Variants in TP63 observed in about 807,000 individuals in gnomAD.
TP63 encodes tumor protein 63.
TP63 carries 17 observed loss-of-function variants against 82.8 expected under a neutral mutation model. That is an observed-to-expected ratio of 0.21 (90% CI 0.14 to 0.31). TP63 has a LOEUF of 0.31. Ranked by LOEUF, TP63 falls within the 10% of genes least tolerant of loss-of-function variation. The pLI is 1.00. For synonymous variants in TP63, 330 were observed against 321.7 expected (o/e 1.03, Z -0.28); for missense variants, 648 against 895.3 (o/e 0.72, Z 3.52).
At position 189,864,270 on chromosome 3, in the gene TP63, A is replaced by G. The variant is rs1308445098; in HGVS notation, c.618A>G (p.Ala206=). Residue 206 remains alanine (A), a synonymous_variant, in exon 5 of 14, where the codon GCA becomes GCG. Coordinates refer to ENST00000264731, the MANE Select transcript of TP63 (RefSeq NM_003722.5). Reference sequence around the variant, plus strand: ...TGAAGAAACTCTACTGCCAAATTGCAAAGACATGCCCCATCCAGATCAAGG... The same window carrying G: ...TGAAGAAACTCTACTGCCAAATTGCGAAGACATGCCCCATCCAGATCAAGG... The part of the protein sequence containing the change: ...TELKKLYCQI[A]KTCPIQIKVM... 6.2e-7 allele frequency: 1 copy of G among 1,614,072 alleles called. No individual in the cohort carries two copies. Among genetic ancestry groups the G allele is most frequent in the African/African-American group, 1.3e-5 (1 of 74,938 alleles).
chr3:189,691,137 G>A (rs1407380210), intron 1 of TP63, among the ~76,000 whole-genome samples: 1 of 151,850 alleles, frequency 6.6e-6, no homozygotes, highest in Admixed American at 6.6e-5. Flanking sequence ...CAGGGAGTTT[G>A]AGACCATCCT....
rs1354292901 is a variant in TP63, at chr3:189,895,141, T to C, written c.*639T>C. 4.5e-6 allele frequency: 1 copy of C among 221,038 alleles called. No homozygotes were observed. Among genetic ancestry groups the C allele is most frequent in the East Asian group, 6.6e-5 (1 of 15,066 alleles). 13.7% of individuals were successfully genotyped at this position (221,038 alleles called of 1,614,324 possible). On this transcript the variant is annotated 3_prime_UTR_variant, in exon 14 of 14. Transcript: ENST00000264731. ...CCATTGCTTATTATGTAGGTAAGAC[T>C]GTAGATATGTATTCTTTTCTCAGTG...
intron 3 of TP63, among the ~76,000 whole-genome samples, chr3:189,756,454 A>G (rs1722197799): frequency 6.6e-6 from 1 of 152,344 alleles, no homozygotes; most frequent in East Asian, 1.9e-4. Flanking sequence ...AAGAGTGCCA[A>G]GTCGGGGACT....
At chr3:189,873,059 TA>T in intron 10 of TP63, 64 bp downstream of exon 10, 3 of 1,609,046 alleles carry the variant, frequency 1.9e-6, no homozygotes, top group Non-Finnish European at 2.6e-6. Flanking sequence ...GGATCAGCAA[TA>T]GGGTGATTGA....
intron 1 of TP63, among the ~76,000 whole-genome samples, chr3:189,662,723 A>T (rs1714033633): frequency 1.3e-5 from 2 of 152,056 alleles, no homozygotes; most frequent in South Asian, 4.1e-4. Context: ...TGAAAGAAAA[A>T]ATATAAATAA....
chr3:189,840,874 A>C (rs547848041), intron 4 of TP63, among the ~76,000 whole-genome samples: 1 of 151,420 alleles, frequency 6.6e-6, no homozygotes, highest in Non-Finnish European at 1.5e-5. Flanking sequence ...AAAAAAAAAA[A>C]AAAACAACTA....
intron 3 of TP63, among the ~76,000 whole-genome samples, chr3:189,756,463 C>T (rs1183845570): frequency 1.3e-5 from 2 of 152,142 alleles, no homozygotes; most frequent in East Asian, 1.9e-4. Context: ...AAGTCGGGGA[C>T]TTTACCTTAA....
the TP63 span, among the ~76,000 whole-genome samples, chr3:189,599,800 A>G: frequency 1.3e-5 from 2 of 152,218 alleles, no homozygotes; most frequent in Admixed American, 1.3e-4. Context: ...TTGCTTGGAT[A>G]AAACACTAGA....
At chr3:189,650,466 G>A (rs9821164) in intron 1 of TP63, among the ~76,000 whole-genome samples, 53,994 of 145,526 alleles carry the variant, frequency 0.37, 13,538 homozygotes, top group Middle Eastern at 0.57. Context: ...AGGTGGAGAA[G>A]ATTGAATCAT....
At chr3:189,884,370 T>C (rs1167824739) in intron 10 of TP63, among the ~76,000 whole-genome samples, 1 of 152,206 alleles carries the variant, frequency 6.6e-6, no homozygotes, top group Non-Finnish European at 1.5e-5. Context: ...CTCTTACTAC[T>C]TCATCTATTT....
chr3:189,714,931 C>T (rs1026736616), intron 1 of TP63, among the ~76,000 whole-genome samples: 1 of 152,120 alleles, frequency 6.6e-6, no homozygotes, highest in Non-Finnish European at 1.5e-5. Context: ...CAGTACTGTA[C>T]GTTCAGCAAA....
chr3:189,787,458 A>C (rs1234015144), intron 3 of TP63, among the ~76,000 whole-genome samples: 1 of 152,096 alleles, frequency 6.6e-6, no homozygotes, highest in African/African-American at 2.4e-5. Flanking sequence ...TTCTTCCAAC[A>C]TACTCAAAGT....
intron 1 of TP63, among the ~76,000 whole-genome samples, chr3:189,682,353 C>T (rs1185078353): frequency 1.4e-5 from 2 of 141,380 alleles, no homozygotes; most frequent in Non-Finnish European, 3.1e-5. Flanking sequence ...AAATCAGCAC[C>T]TTTTTTTTTT....
At chr3:189,864,108 A>G (rs545454397) in intron 4 of TP63, 124 bp from the exon 5 acceptor site, 4 of 1,177,384 alleles carry the variant, frequency 3.4e-6, no homozygotes, top group East Asian at 4.7e-5. Flanking sequence ...TATAGTAGCC[A>G]GTAGTAAACA....
chr3:189,856,663 G>A (rs1420264668), intron 4 of TP63, among the ~76,000 whole-genome samples: 3 of 151,920 alleles, frequency 2.0e-5, no homozygotes, highest in African/African-American at 7.2e-5. Context: ...GTTTACCAAG[G>A]TCATAGGCTA....
chr3:189,664,128 C>G (rs970024022), intron 1 of TP63, among the ~76,000 whole-genome samples: 1 of 151,980 alleles, frequency 6.6e-6, no homozygotes, highest in African/African-American at 2.4e-5. Flanking sequence ...TCCCCCTAAA[C>G]TATATTTTTG....
chr3:189,858,642 A>G (rs1271974291), intron 4 of TP63, among the ~76,000 whole-genome samples: 2 of 152,060 alleles, frequency 1.3e-5, no homozygotes, highest in Admixed American at 1.3e-4. Context: ...AGCTGGGCAT[A>G]GTAGTGCGCA....
intron 3 of TP63, among the ~76,000 whole-genome samples, chr3:189,765,528 C>T (rs531983588): frequency 7.0e-5 from 10 of 142,850 alleles, no homozygotes; most frequent in South Asian, 2.3e-4. Context: ...CTCCGCCTCC[C>T]GGGTTCACGC....
intron 1 of TP63, among the ~76,000 whole-genome samples, chr3:189,673,243 G>T (rs920935980): frequency 6.6e-6 from 1 of 152,078 alleles, no homozygotes; most frequent in Non-Finnish European, 1.5e-5. Context: ...GGAAAGAAGG[G>T]AATCTTCCTC....
Sources: gnomAD v4.1 joint callset for allele counts (sites outside exome capture counted in the v4.1 genomes callset) on GRCh38, gnomAD v4.1.1 for gene constraint, MANE v1.5 for transcripts, NCBI Gene and HGNC (gene_info 2026-07-23, HGNC 2026-07-21) for gene names.